The following GRID2 variants were observed in gnomAD, a reference collection of about 807,000 sequenced individuals.
GRID2 encodes glutamate ionotropic receptor delta type subunit 2, also known as glutamate receptor ionotropic, delta-2.
In GRID2, 33 loss-of-function variants were observed where a neutral mutation model predicts 114.8. The ratio of observed to expected loss-of-function variants is 0.29; its 90% CI spans 0.22 to 0.38. The LOEUF (loss-of-function observed/expected upper bound fraction) is 0.38. Ranked by LOEUF, GRID2 falls within the 10% of genes least tolerant of loss-of-function variation. The probability of loss-of-function intolerance (pLI) is 1.00; values close to 1 mark genes in which losing one functional copy is unlikely to be tolerated. For missense variants in GRID2, 1,184 were observed against 1,257.7 expected, an observed-to-expected ratio of 0.94 and a Z score of 0.89; for synonymous variants, 505 against 449.9, an observed-to-expected ratio of 1.12 and a Z score of -1.55.
chr4:93,189,199 G>A (rs11097361), intron 4 of GRID2, among the ~76,000 whole-genome samples: 25,969 of 152,086 alleles, frequency 0.17, 3,735 homozygotes, highest in African/African-American at 0.39. Context: ...TTGGGCTGCT[G>A]TAACAAGATA....
chr4:92,843,716 G>A lies in GRID2; in HGVS notation c.245-241279G>A, dbSNP rs1296258493. Among the ~76,000 whole-genome samples, 6 of 152,170 alleles carry A rather than the reference G, an allele frequency of 3.9e-5. No individual in the cohort carries two copies. In the East Asian group the frequency reaches 7.7e-4, roughly 20 times the overall value. Reference sequence around the variant, plus strand: ...GGAAAATTTAGTGTCACAAAGATGTGTAGTTGGAAAGGGAGGATTTTTTAC... The same window carrying A: ...GGAAAATTTAGTGTCACAAAGATGTATAGTTGGAAAGGGAGGATTTTTTAC... On this transcript the variant is annotated intron_variant, in intron 2 of 15. Transcript: ENST00000282020.
At position 93,231,554 on chromosome 4, in the gene GRID2, A is replaced by G. The variant is rs1746152124; in HGVS notation, c.1125+6779A>G. Among the ~76,000 whole-genome samples the G allele has an allele frequency of 2.0e-5, 3 of 152,100 alleles. No individual in the cohort carries two copies. The South Asian group carries it at 6.2e-4, about 32-fold the overall frequency. ...GTAATGTGCTGTGGTACATACTGAG[A>G]TACTTGCTTCACAGCCAAGAAAGAC... On this transcript the variant is annotated intron_variant, in intron 7 of 15. Coordinates refer to ENST00000282020, the MANE Select transcript of GRID2 (RefSeq NM_001510.4).
chr4:92,449,460 T>C (rs1404800492), intron 1 of GRID2, among the ~76,000 whole-genome samples: 1 of 151,588 alleles, frequency 6.6e-6, no homozygotes, highest in Non-Finnish European at 1.5e-5. Flanking sequence ...AGTTGAAAAT[T>C]TTTTTCCATG....
chr4:93,291,289 G>A (rs1328931466), intron 8 of GRID2, among the ~76,000 whole-genome samples: 3 of 152,160 alleles, frequency 2.0e-5, no homozygotes, highest in African/African-American at 7.2e-5. Flanking sequence ...CATCAGGCCA[G>A]AGGATAGGCT....
intron 2 of GRID2, among the ~76,000 whole-genome samples, chr4:93,032,894 A>G (rs566258365): frequency 6.6e-4 from 101 of 152,338 alleles, no homozygotes; most frequent in African/African-American, 2.3e-3. Flanking sequence ...AGTATCTGTC[A>G]CAGTTCAAAA....
intron 2 of GRID2, among the ~76,000 whole-genome samples, chr4:92,830,930 G>T (rs186168281): frequency 9.8e-4 from 149 of 152,212 alleles, no homozygotes; most frequent in Admixed American, 3.2e-3. Context: ...GCCATTCAAG[G>T]CTGCCTATGT....
At chr4:92,802,256 T>C (rs943316431) in intron 2 of GRID2, among the ~76,000 whole-genome samples, 2 of 151,940 alleles carry the variant, frequency 1.3e-5, no homozygotes, top group Admixed American at 1.3e-4. Flanking sequence ...TACACAAGAA[T>C]GGTGCATTTG....
At chr4:93,120,193 C>T (rs1733648718) in intron 4 of GRID2, among the ~76,000 whole-genome samples, 1 of 152,116 alleles carries the variant, frequency 6.6e-6, no homozygotes, top group African/African-American at 2.4e-5. Flanking sequence ...GTGGTGATTC[C>T]TCAAGGATCT....
intron 14 of GRID2, among the ~76,000 whole-genome samples, chr4:93,744,824 ACCC>A (rs1304993141): frequency 4.6e-5 from 7 of 151,692 alleles, no homozygotes; most frequent in African/African-American, 1.5e-4. Flanking sequence ...TGATACAGCA[ACCC>A]TCATTGTTAT....
chr4:93,189,933 CT>C (rs1318332753), intron 4 of GRID2, among the ~76,000 whole-genome samples: 1 of 152,000 alleles, frequency 6.6e-6, no homozygotes, highest in Non-Finnish European at 1.5e-5. Flanking sequence ...CTAGTGGTAA[CT>C]TTTTCCCTTT....
At chr4:92,845,944 T>G (rs2149416086) in intron 2 of GRID2, among the ~76,000 whole-genome samples, 1 of 152,264 alleles carries the variant, frequency 6.6e-6, no homozygotes, top group Non-Finnish European at 1.5e-5. Flanking sequence ...CTGTTTGATC[T>G]ATTTTTCCAC....
chr4:92,942,077 T>C (rs1751187603), intron 2 of GRID2, among the ~76,000 whole-genome samples: 1 of 152,188 alleles, frequency 6.6e-6, no homozygotes, highest in Non-Finnish European at 1.5e-5. Context: ...TGTAGATGTA[T>C]ATTAGGTCTA....
chr4:93,794,600 G>C (rs774496848), intron 1 of GRID2, among the ~76,000 whole-genome samples: 9 of 152,150 alleles, frequency 5.9e-5, no homozygotes, highest in Non-Finnish European at 1.2e-4. Context: ...GCGTCTCGGC[G>C]AGCCTTTCTC....
intron 2 of GRID2, among the ~76,000 whole-genome samples, chr4:92,921,318 T>G (rs980858714): frequency 6.6e-6 from 1 of 152,114 alleles, no homozygotes; most frequent in Non-Finnish European, 1.5e-5. Context: ...TGCAGAGTAG[T>G]TTGATCGTCT....
intron 2 of GRID2, among the ~76,000 whole-genome samples, chr4:92,974,685 G>A (rs1369802936): frequency 1.3e-5 from 2 of 150,180 alleles, no homozygotes; most frequent in East Asian, 2.1e-4. Context: ...AACGTGTCGC[G>A]GGGGTAGGGG....
intron 2 of GRID2, among the ~76,000 whole-genome samples, chr4:93,022,485 TAATG>T (rs1349614381): frequency 2.0e-5 from 3 of 151,978 alleles, no homozygotes; most frequent in African/African-American, 7.2e-5. Context: ...AACAATGTTG[TAATG>T]AATGTTTTAG....
chr4:93,427,459 C>T (rs80170306), intron 10 of GRID2, among the ~76,000 whole-genome samples: 2,161 of 152,060 alleles, frequency 0.014, 131 homozygotes, highest in East Asian at 0.096. Context: ...AGGATTAACT[C>T]GTGTGCCTTT....
chr4:92,453,812 T>C (rs1231644079), intron 1 of GRID2, among the ~76,000 whole-genome samples: 1 of 152,186 alleles, frequency 6.6e-6, no homozygotes, highest in Non-Finnish European at 1.5e-5. Flanking sequence ...AAGCTATGTT[T>C]GAGATTTTTT....
chr4:93,506,319 A>G (rs1008761679), intron 12 of GRID2, among the ~76,000 whole-genome samples: 2 of 152,118 alleles, frequency 1.3e-5, no homozygotes, highest in African/African-American at 4.8e-5. Context: ...CTGGTCTGTA[A>G]TCCCCACACT....
Sources: gnomAD v4.1 joint callset for allele counts (sites outside exome capture counted in the v4.1 genomes callset) on GRCh38, gnomAD v4.1.1 for gene constraint, MANE v1.5 for transcripts, NCBI Gene and HGNC (gene_info 2026-07-23, HGNC 2026-07-21) for gene names.